The following MAP4K5 variants were observed in gnomAD, a reference collection of about 807,000 sequenced individuals.
MAP4K5 encodes MAPK/ERK kinase kinase kinase 5.
Under a neutral mutation model 135.6 loss-of-function variants are expected in MAP4K5, and 82 were observed. The ratio of observed to expected loss-of-function variants is 0.60; its 90% CI spans 0.51 to 0.73. The LOEUF (loss-of-function observed/expected upper bound fraction) is 0.73. MAP4K5 is among the 30% of genes least tolerant of loss of function. The pLI, the probability that MAP4K5 is intolerant of heterozygous loss-of-function variation, is 0.00. For synonymous variants in MAP4K5, 347 were observed against 335.0 expected (o/e 1.04, Z -0.39); for missense variants, 907 against 1,010.9 (o/e 0.90, Z 1.39).
Position 50,532,498 on chromosome 14 carries a change from G to A in MAP4K5, c.-160C>T, listed in dbSNP as rs907855072. 4 of 152,642 alleles carry A rather than the reference G, an allele frequency of 2.6e-5. No homozygotes were observed. Among genetic ancestry groups the A allele is most frequent in the African/African-American group, 9.7e-5 (4 of 41,436 alleles). 9.5% of individuals were successfully genotyped at this position (152,642 alleles called of 1,614,324 possible). On this transcript the variant is annotated 5_prime_UTR_variant, in exon 1 of 33. Coordinates refer to ENST00000682126, the MANE Select transcript of MAP4K5 (RefSeq NM_006575.6). ...TCCCGCGCGCCGGCCGGCAGCTCCGGGTTTGCCGTCGCCGCCGCCGCCACT... is the reference window on the plus strand; with the variant it reads ...TCCCGCGCGCCGGCCGGCAGCTCCGAGTTTGCCGTCGCCGCCGCCGCCACT...
At position 50,555,324 on chromosome 14, in the gene MAP4K5, C is replaced by G. The variant is rs2038752909; in HGVS notation, c.-180+5716G>C. Among the ~76,000 whole-genome samples the G allele has an allele frequency of 2.0e-5, 3 of 152,232 alleles. No homozygotes were observed. The South Asian group carries it at 6.2e-4, about 31-fold the overall frequency. On this transcript the variant is annotated intron_variant, in intron 1 of 8. Coordinates refer to the MAP4K5 transcript ENST00000555216. ...TGAGACGGAGTCTCGCTCTGTCACC[C>G]AGGCTGGAGTGCAGTGGCGTGATCT...
chr14:50,476,335 T>C, intron 6 of MAP4K5, 29 bp from the exon 7 acceptor site: 1 of 1,066,260 alleles, frequency 9.4e-7, no homozygotes, highest in Non-Finnish European at 1.3e-6. Context: ...AAAAAAAGAA[T>C]GTATCAGCAA....
intron 2 of MAP4K5, 111 bp downstream of exon 2, chr14:50,531,831 A>C: frequency 3.1e-5 from 25 of 800,354 alleles, no homozygotes; most frequent in Middle Eastern, 2.3e-4. Context: ...CTTTCTCCCC[A>C]AGAGGCAACA....
At chr14:50,555,680 G>A (rs978064610) in intron 1 of MAP4K5, among the ~76,000 whole-genome samples, 2 of 152,114 alleles carry the variant, frequency 1.3e-5, no homozygotes, top group African/African-American at 2.4e-5. Flanking sequence ...TATTTCAGCC[G>A]TTGTAATTTT....
At chr14:50,534,568 G>A (rs934723780), upstream of MAP4K5, among the ~76,000 whole-genome samples, 4 of 152,216 alleles carry the variant, frequency 2.6e-5, no homozygotes, top group African/African-American at 9.6e-5. Context: ...GAGGTCATAG[G>A]CTTCAACAAG....
chr14:50,464,019 A>C, intron 12 of MAP4K5, 33 bp downstream of exon 12: 3 of 1,224,808 alleles, frequency 2.4e-6, no homozygotes, highest in Non-Finnish European at 3.5e-6. Flanking sequence ...ATTTATGACT[A>C]TAGGAAGACC....
chr14:50,468,822 T>C lies in MAP4K5; in HGVS notation c.543-40A>G, dbSNP rs994505758. On this transcript the variant is annotated intron_variant, in intron 9 of 32. Transcript: ENST00000682126. ...TGAATACAACATTTTTGTTGTTAAA[T>C]ATTGATCTGAATCTGTTACTTCCTG... 6 of 1,562,782 alleles carry C rather than the reference T, an allele frequency of 3.8e-6. No individual in the cohort carries two copies. The African/African-American group carries it at 8.1e-5, about 21-fold the overall frequency.
chr14:50,423,339 A>G (rs2035775053), intron 31 of MAP4K5, among the ~76,000 whole-genome samples, 163 bp from the exon 32 acceptor site: 1 of 151,638 alleles, frequency 6.6e-6, no homozygotes, highest in African/African-American at 2.4e-5. Context: ...GCATATTATT[A>G]GAAATGAACC....
chr14:50,523,726 C>G (rs574697259), intron 2 of MAP4K5, among the ~76,000 whole-genome samples: 2 of 152,166 alleles, frequency 1.3e-5, no homozygotes, highest in Admixed American at 6.6e-5. Context: ...TCTCTCCCCC[C>G]ACTAAAATTT....
At chr14:50,546,653 C>A (rs1424295548) in intron 1 of MAP4K5, among the ~76,000 whole-genome samples, 1 of 152,028 alleles carries the variant, frequency 6.6e-6, no homozygotes, top group Non-Finnish European at 1.5e-5. Flanking sequence ...TTTATATTTG[C>A]CTCTGCTAGA....
At chr14:50,507,368 CTTAG>C (rs1269657325) in intron 2 of MAP4K5, among the ~76,000 whole-genome samples, 1 of 152,106 alleles carries the variant, frequency 6.6e-6, no homozygotes, top group Non-Finnish European at 1.5e-5. Flanking sequence ...CTGCTCTGAT[CTTAG>C]TTATTTCTTG....
intron 6 of MAP4K5, among the ~76,000 whole-genome samples, chr14:50,481,274 C>T (rs1314535939): frequency 6.7e-6 from 1 of 149,872 alleles, no homozygotes; most frequent in African/African-American, 2.4e-5. Flanking sequence ...TACGTACATA[C>T]ATATATATTA....
chr14:50,501,352 G>A (rs1174192557), intron 3 of MAP4K5, among the ~76,000 whole-genome samples: 47 of 151,820 alleles, frequency 3.1e-4, no homozygotes, highest in Admixed American at 3.0e-3. Context: ...GCCATTCTCT[G>A]ACAAAACTAC....
chr14:50,514,248 T>C (rs1223903997), intron 2 of MAP4K5, among the ~76,000 whole-genome samples: 2 of 151,342 alleles, frequency 1.3e-5, no homozygotes, highest in Admixed American at 6.6e-5. Context: ...GGCTAATTTT[T>C]TTTTTTGTAT....
intron 13 of MAP4K5, among the ~76,000 whole-genome samples, chr14:50,461,505 G>C (rs1346737336): frequency 6.6e-6 from 1 of 152,028 alleles, no homozygotes; most frequent in Non-Finnish European, 1.5e-5. Context: ...GGAGAAGAAG[G>C]AACATAAGGA....
intron 3 of MAP4K5, among the ~76,000 whole-genome samples, chr14:50,489,918 A>G (rs1421964731): frequency 6.6e-6 from 1 of 152,144 alleles, no homozygotes; most frequent in Non-Finnish European, 1.5e-5. Context: ...ACATCCTTAC[A>G]CAGGAAAGGG....
rs2038293361 is a variant in MAP4K5 at position 50,527,498 on chromosome 14, ATCATATTCCCAATCATAAAT to A, written c.108+4424_108+4443del. Reference sequence around the variant, plus strand: ...TCAATCAAACAGAAAAAAGACCTGTATCATATTCCCAATCATAAATTAAATATAAAAGCCATTTTGGAAAT... The same window carrying A: ...TCAATCAAACAGAAAAAAGACCTGTATAAATATAAAAGCCATTTTGGAAAT... On this transcript the variant is annotated intron_variant, in intron 2 of 32. Coordinates refer to ENST00000682126, the MANE Select transcript of MAP4K5 (RefSeq NM_006575.6). Among the ~76,000 whole-genome samples the A allele has an allele frequency of 2.0e-5, 3 of 152,190 alleles. No homozygotes were observed. The South Asian group carries it at 6.2e-4, about 32-fold the overall frequency.
Position 50,431,752 on chromosome 14 carries a change from C to G in MAP4K5, c.2165-2492G>C, listed in dbSNP as rs2035975757. 2.0e-5 allele frequency among the ~76,000 whole-genome samples: 3 copies of G among 151,802 alleles called. No individual in the cohort carries two copies. The South Asian group carries it at 6.2e-4, about 32-fold the overall frequency. On this transcript the variant is annotated intron_variant, in intron 28 of 32. Coordinates refer to ENST00000682126, the MANE Select transcript of MAP4K5 (RefSeq NM_006575.6). ...CTTTATAGCAGCATGATTTATAGTC[C>G]TTTGGGTATATACCCAGTAATGGGA...
chr14:50,447,278 C>T, intron 16 of MAP4K5, 136 bp downstream of exon 16: 1 of 573,358 alleles, frequency 1.7e-6, no homozygotes, highest in Non-Finnish European at 3.0e-6. Context: ...TTTGGTAAAA[C>T]TCAAAAGCTT....
Sources: allele counts gnomAD v4.1 joint callset (sites outside exome capture counted in the v4.1 genomes callset), GRCh38; gene constraint gnomAD v4.1.1; transcripts MANE v1.5; gene names NCBI Gene and HGNC (gene_info 2026-07-23, HGNC 2026-07-21).